CDC42SE2: variants seen among roughly 807,000 people sequenced by gnomAD.
CDC42SE2 encodes the protein CDC42 small effector 2.
CDC42SE2 carries 3 observed loss-of-function variants against 11.5 expected under a neutral mutation model. The observed-to-expected ratio is 0.26, with a 90% CI of 0.12 to 0.67. The LOEUF is 0.67. Ranked by LOEUF, CDC42SE2 falls within the 30% of genes least tolerant of loss-of-function variation. CDC42SE2 has a pLI of 0.80. For missense variants in CDC42SE2, 82 were observed against 106.8 expected, an observed-to-expected ratio of 0.77 and a Z score of 1.02; for synonymous variants, 33 against 34.8, an observed-to-expected ratio of 0.95 and a Z score of 0.18.
chr5:131,366,815 G>A (rs768477180), intron 3 of CDC42SE2, among the ~76,000 whole-genome samples: 8 of 152,084 alleles, frequency 5.3e-5, no homozygotes, highest in Non-Finnish European at 1.2e-4. Flanking sequence ...CTAGAGCCTA[G>A]GAGTTCGAGA....
intron 1 of CDC42SE2, among the ~76,000 whole-genome samples, chr5:131,268,301 G>A (rs958848579): frequency 1.3e-5 from 2 of 152,052 alleles, no homozygotes; most frequent in African/African-American, 2.4e-5. Context: ...GACCTCAGGT[G>A]ATCCACCCAC....
chr5:131,336,575 T>G (rs977281257), intron 2 of CDC42SE2, among the ~76,000 whole-genome samples: 1 of 152,232 alleles, frequency 6.6e-6, no homozygotes, highest in African/African-American at 2.4e-5. Flanking sequence ...TTTTCCAACT[T>G]GGTTCCATTC....
At position 131,251,847 on chromosome 5, in the gene CDC42SE2, T is replaced by C. The variant is rs1289654191; in HGVS notation, n.108-3248T>C. Among the ~76,000 whole-genome samples, 4 of 152,140 alleles carry C rather than the reference T, an allele frequency of 2.6e-5. No individual in the cohort carries two copies. In the East Asian group the frequency reaches 7.7e-4, roughly 29 times the overall value. On this transcript the variant is annotated intron_variant and non_coding_transcript_variant, in intron 1 of 3. Coordinates refer to the CDC42SE2 transcript ENST00000502840. The stretch of plus-strand genomic sequence containing the variant: ...TAGACACATAGTGAGACCTCGTCTC[T>C]ACAAAAAAATAAAAATTAACTGAGC...
intron 2 of CDC42SE2, among the ~76,000 whole-genome samples, chr5:131,342,011 G>A (rs1019695147): frequency 6.6e-6 from 1 of 152,128 alleles, no homozygotes; most frequent in African/African-American, 2.4e-5. Flanking sequence ...GCTGGGCACG[G>A]TGGCTCATGC....
rs532676250 is a variant in CDC42SE2 at position 131,305,127 on chromosome 5, T to C, written c.-454-10849T>C. Reference sequence around the variant, plus strand: ...TGTATAAATTATACAGTATATACTCTTTGTGTGGCTTCTTTGACTCAGCAT... The same window carrying C: ...TGTATAAATTATACAGTATATACTCCTTGTGTGGCTTCTTTGACTCAGCAT... On this transcript the variant is annotated intron_variant, in intron 1 of 4. Transcript: ENST00000505065. Among the ~76,000 whole-genome samples, 499 of 152,304 alleles carry C rather than the reference T, an allele frequency of 3.3e-3. 4 individuals are homozygous for C. Among genetic ancestry groups the C allele is most frequent in the Non-Finnish European group, 5.8e-3 (395 of 68,022 alleles).
At chr5:131,272,656 A>G (rs1757018269) in intron 1 of CDC42SE2, among the ~76,000 whole-genome samples, 1 of 152,292 alleles carries the variant, frequency 6.6e-6, no homozygotes, top group Admixed American at 6.5e-5. Context: ...TATCCCTATC[A>G]GCATATAGAT....
chr5:131,350,068 G>A (rs955100565), intron 2 of CDC42SE2, among the ~76,000 whole-genome samples: 4 of 151,972 alleles, frequency 2.6e-5, no homozygotes, highest in African/African-American at 9.7e-5. Context: ...TGAGTTTAAA[G>A]TAGATATATT....
intron 3 of CDC42SE2, among the ~76,000 whole-genome samples, chr5:131,384,854 C>T (rs986968817): frequency 1.4e-5 from 2 of 139,108 alleles, no homozygotes; most frequent in East Asian, 2.1e-4. Context: ...AGCTGAGGTG[C>T]GAGGATTGCT....
At chr5:131,367,291 C>T (rs1211858827) in intron 3 of CDC42SE2, among the ~76,000 whole-genome samples, 1 of 151,838 alleles carries the variant, frequency 6.6e-6, no homozygotes, top group Non-Finnish European at 1.5e-5. Flanking sequence ...TTTTCTGTTA[C>T]AAACTGCTGT....
At chr5:131,285,615 C>T (rs972515287) in intron 1 of CDC42SE2, among the ~76,000 whole-genome samples, 2 of 152,138 alleles carry the variant, frequency 1.3e-5, no homozygotes, top group Non-Finnish European at 2.9e-5. Context: ...TTCAGAGCTC[C>T]TTGCAAGAAA....
At chr5:131,268,044 C>T (rs535078380) in intron 1 of CDC42SE2, among the ~76,000 whole-genome samples, 153 of 138,984 alleles carry the variant, frequency 1.1e-3, no homozygotes, top group African/African-American at 3.9e-3. Context: ...AGTACATGTA[C>T]ATGCTTATTC....
intron 3 of CDC42SE2, among the ~76,000 whole-genome samples, chr5:131,377,411 C>G (rs559103303): frequency 6.6e-6 from 1 of 151,982 alleles, no homozygotes; most frequent in Admixed American, 6.6e-5. Flanking sequence ...TCAGGCAGTC[C>G]GCCCGCCTCA....
intron 1 of CDC42SE2, among the ~76,000 whole-genome samples, chr5:131,276,619 G>T (rs1289480556): frequency 6.6e-6 from 1 of 151,982 alleles, no homozygotes; most frequent in African/African-American, 2.4e-5. Flanking sequence ...GACTTGTATT[G>T]TGGGACTTTC....
the CDC42SE2 span, among the ~76,000 whole-genome samples, chr5:131,228,620 C>A: frequency 6.6e-6 from 1 of 152,190 alleles, no homozygotes; most frequent in Non-Finnish European, 1.5e-5. Flanking sequence ...TAGCTCCTTA[C>A]CGTCTTTTAG....
chr5:131,240,384 T>G, the CDC42SE2 span, among the ~76,000 whole-genome samples: 1 of 152,178 alleles, frequency 6.6e-6, no homozygotes, highest in African/African-American at 2.4e-5. Context: ...TAGAACCTTA[T>G]AAAAGATATC....
At chr5:131,232,417 T>A in the CDC42SE2 span, among the ~76,000 whole-genome samples, 1 of 152,086 alleles carries the variant, frequency 6.6e-6, no homozygotes, top group East Asian at 1.9e-4. Flanking sequence ...ACCCTGCCTA[T>A]ACCTATTCTT....
At chr5:131,224,045 T>C in the CDC42SE2 span, among the ~76,000 whole-genome samples, 1 of 152,204 alleles carries the variant, frequency 6.6e-6, no homozygotes, top group South Asian at 2.1e-4. Flanking sequence ...GGTTTTCTTC[T>C]GTTTCTTCTC....
At chr5:131,342,702 A>T (rs1172541254) in intron 2 of CDC42SE2, among the ~76,000 whole-genome samples, 2 of 150,732 alleles carry the variant, frequency 1.3e-5, no homozygotes, top group Non-Finnish European at 3.0e-5. Context: ...GTCTTTTATT[A>T]TTCATTGATT....
At chr5:131,276,200 A>G (rs1239860049) in intron 1 of CDC42SE2, among the ~76,000 whole-genome samples, 2 of 149,670 alleles carry the variant, frequency 1.3e-5, no homozygotes, top group African/African-American at 4.9e-5. Context: ...TAGTCCCAGC[A>G]CTTTGGGAGG....
Sources: gnomAD v4.1 joint callset for allele counts (sites outside exome capture counted in the v4.1 genomes callset) on GRCh38, gnomAD v4.1.1 for gene constraint, MANE v1.5 for transcripts, NCBI Gene and HGNC (gene_info 2026-07-23, HGNC 2026-07-21) for gene names.